SLC1A1: variants seen among roughly 807,000 people sequenced by gnomAD.
SLC1A1 encodes solute carrier family 1 member 1, also known as excitatory amino acid transporter 3.
SLC1A1 carries 43 observed loss-of-function variants against 53.3 expected under a neutral mutation model. The ratio of observed to expected loss-of-function variants is 0.81; its 90% CI spans 0.63 to 1.04. The LOEUF (loss-of-function observed/expected upper bound fraction) is 1.04, where lower values mean the gene tolerates loss of function less well. Ranked by LOEUF, SLC1A1 falls within the 50% of genes least tolerant of loss-of-function variation. SLC1A1 has a pLI of 0.00. For synonymous variants in SLC1A1, 307 were observed against 243.2 expected, an observed-to-expected ratio of 1.26 and a Z score of -2.44; for missense variants, 748 against 664.9, an observed-to-expected ratio of 1.12 and a Z score of -1.37.
intron 2 of SLC1A1, among the ~76,000 whole-genome samples, chr9:4,555,160 G>A (rs1818257213): frequency 6.6e-6 from 1 of 152,222 alleles, no homozygotes; most frequent in African/African-American, 2.4e-5. Context: ...CCTTCTCTCT[G>A]CACAGGTGGC....
intron 2 of SLC1A1, among the ~76,000 whole-genome samples, chr9:4,550,072 C>T (rs1431162972): frequency 1.3e-5 from 2 of 152,198 alleles, no homozygotes; most frequent in African/African-American, 2.4e-5. Context: ...CCTCCTCTCT[C>T]CCCCAGGCCA....
chr9:4,535,537 C>T (rs1206876476), intron 1 of SLC1A1, among the ~76,000 whole-genome samples: 3 of 152,038 alleles, frequency 2.0e-5, no homozygotes, highest in Non-Finnish European at 2.9e-5. Flanking sequence ...AACTACAAAC[C>T]ACTGCTCAAT....
intron 1 of SLC1A1, among the ~76,000 whole-genome samples, chr9:4,535,992 T>C (rs896596989): frequency 1.3e-5 from 2 of 152,192 alleles, no homozygotes; most frequent in East Asian, 1.9e-4. Flanking sequence ...GCTAGCCATA[T>C]GTAGAAAGCT....
At chr9:4,493,736 A>G (rs1820318546) in intron 1 of SLC1A1, among the ~76,000 whole-genome samples, 1 of 152,256 alleles carries the variant, frequency 6.6e-6, no homozygotes, top group Admixed American at 6.5e-5. Flanking sequence ...TTCTAAAAAA[A>G]ATAATTTAAA....
intron 3 of SLC1A1, among the ~76,000 whole-genome samples, chr9:4,562,953 C>G (rs1392680056): frequency 2.5e-5 from 3 of 118,698 alleles, no homozygotes; most frequent in East Asian, 2.4e-4. Context: ...GAACATCACA[C>G]TCTGGGGACT....
At chr9:4,560,194 A>T (rs752044878) in intron 2 of SLC1A1, 2 of 152,288 alleles carry the variant, frequency 1.3e-5, no homozygotes, top group Non-Finnish European at 2.9e-5. Context: ...AAGGTTGTTT[A>T]CACAGAAGCA....
intron 8 of SLC1A1, among the ~76,000 whole-genome samples, chr9:4,575,082 T>A (rs1292318360): frequency 6.6e-6 from 1 of 152,228 alleles, no homozygotes; most frequent in East Asian, 1.9e-4. Context: ...CGAGTTCTGC[T>A]GGTTTCTATT....
intron 2 of SLC1A1, among the ~76,000 whole-genome samples, chr9:4,550,936 C>T (rs893691524): frequency 2.7e-4 from 41 of 152,308 alleles, no homozygotes; most frequent in Admixed American, 2.4e-3. Context: ...TTGAGGGTGA[C>T]TGTGTGCCAA....
At chr9:4,522,489 C>T (rs1417050224) in intron 1 of SLC1A1, among the ~76,000 whole-genome samples, 2 of 152,164 alleles carry the variant, frequency 1.3e-5, no homozygotes, top group Non-Finnish European at 2.9e-5. Context: ...GTCAGTCTTC[C>T]TCTTTCTTTT....
intron 1 of SLC1A1, among the ~76,000 whole-genome samples, chr9:4,539,784 A>C (rs200058024): frequency 6.6e-6 from 1 of 151,934 alleles, no homozygotes; most frequent in Non-Finnish European, 1.5e-5. Context: ...CTTGGCCAGG[A>C]TGGTCTCAAA....
At chr9:4,563,155 A>G (rs1819137941) in intron 3 of SLC1A1, among the ~76,000 whole-genome samples, 1 of 151,796 alleles carries the variant, frequency 6.6e-6, no homozygotes, top group African/African-American at 2.4e-5. Flanking sequence ...AGAAAAAAAA[A>G]AAAGAAGAAT....
At chr9:4,555,708 C>A (rs1181422017) in intron 2 of SLC1A1, among the ~76,000 whole-genome samples, 1 of 152,184 alleles carries the variant, frequency 6.6e-6, no homozygotes, top group Non-Finnish European at 1.5e-5. Context: ...TCACAGGGAA[C>A]TGGAATCGTG....
chr9:4,541,753 C>T (rs7468917), intron 1 of SLC1A1, among the ~76,000 whole-genome samples: 76,339 of 151,966 alleles, frequency 0.5, 19,354 homozygotes, highest in Admixed American at 0.55. Flanking sequence ...TTTATTTTCA[C>T]AATCTTTACC....
At chr9:4,497,479 G>T (rs778982802) in intron 1 of SLC1A1, among the ~76,000 whole-genome samples, 1 of 152,158 alleles carries the variant, frequency 6.6e-6, no homozygotes, top group African/African-American at 2.4e-5. Flanking sequence ...TTGCACAGTA[G>T]GGTGAATACA....
At chr9:4,526,689 T>C (rs540017371) in intron 1 of SLC1A1, among the ~76,000 whole-genome samples, 20 of 152,336 alleles carry the variant, frequency 1.3e-4, no homozygotes, top group Admixed American at 3.9e-4. Context: ...ATTCAGATTC[T>C]GTATACTGAA....
chr9:4,557,377 T>C (rs539034872), intron 2 of SLC1A1, among the ~76,000 whole-genome samples: 2 of 152,352 alleles, frequency 1.3e-5, no homozygotes, highest in South Asian at 4.1e-4. Context: ...TAAGCTATAG[T>C]TTGTTCATTC....
chr9:4,545,425 G>T (rs1172884295), intron 2 of SLC1A1, among the ~76,000 whole-genome samples: 1 of 152,152 alleles, frequency 6.6e-6, no homozygotes, highest in Non-Finnish European at 1.5e-5. Context: ...GGAAAAAAAA[G>T]CATATTTGGT....
intron 1 of SLC1A1, among the ~76,000 whole-genome samples, chr9:4,509,387 T>C (rs1437281487): frequency 6.6e-6 from 1 of 151,978 alleles, no homozygotes. Context: ...CAGCAAGGGA[T>C]GGTGAGGCAC....
chr9:4,524,127 C>G (rs764080630), intron 1 of SLC1A1, among the ~76,000 whole-genome samples: 1 of 152,124 alleles, frequency 6.6e-6, no homozygotes, highest in Non-Finnish European at 1.5e-5. Flanking sequence ...CTAATTGATC[C>G]TATGTGCATA....
Sources: gnomAD v4.1 joint callset for allele counts (sites outside exome capture counted in the v4.1 genomes callset) on GRCh38, gnomAD v4.1.1 for gene constraint, MANE v1.5 for transcripts, NCBI Gene and HGNC (gene_info 2026-07-23, HGNC 2026-07-21) for gene names.